TBC1D32: variants seen among roughly 807,000 people sequenced by gnomAD.
TBC1D32 encodes protein broad-minded.
In TBC1D32, 151 loss-of-function variants were observed where a neutral mutation model predicts 170.3. That is an observed-to-expected ratio of 0.89 (90% CI 0.78 to 1.01). The LOEUF (loss-of-function observed/expected upper bound fraction) is 1.01. Ranked by LOEUF, TBC1D32 falls within the 50% of genes least tolerant of loss-of-function variation. TBC1D32 has a pLI of 0.00. For missense variants in TBC1D32, 1,464 were observed against 1,457.1 expected, an observed-to-expected ratio of 1.00 and a Z score of -0.08; for synonymous variants, 498 against 488.0, an observed-to-expected ratio of 1.02 and a Z score of -0.27.
At chr6:121,190,403 C>G (rs143492566) in intron 22 of TBC1D32, among the ~76,000 whole-genome samples, 2 of 147,644 alleles carry the variant, frequency 1.4e-5, no homozygotes, top group African/African-American at 5.0e-5. Context: ...CCCTTCCCCC[C>G]ACACACATCC....
intron 21 of TBC1D32, among the ~76,000 whole-genome samples, chr6:121,214,538 C>T (rs1793569460): frequency 6.6e-6 from 1 of 152,160 alleles, no homozygotes; most frequent in Non-Finnish European, 1.5e-5. Flanking sequence ...CCCTGTGAGG[C>T]TGCACCTAGA....
At chr6:121,135,882 T>C (rs557579677) in intron 24 of TBC1D32, among the ~76,000 whole-genome samples, 2 of 152,060 alleles carry the variant, frequency 1.3e-5, no homozygotes, top group Non-Finnish European at 2.9e-5. Context: ...CAATTATACA[T>C]CCACCCTAAC....
chr6:121,144,394 G>A (rs929070290), intron 24 of TBC1D32, among the ~76,000 whole-genome samples: 1 of 152,126 alleles, frequency 6.6e-6, no homozygotes, highest in African/African-American at 2.4e-5. Context: ...CATTGCAGCA[G>A]GTAAGAAATG....
chr6:121,302,252 T>A (rs547918152), intron 9 of TBC1D32, among the ~76,000 whole-genome samples: 8 of 152,266 alleles, frequency 5.3e-5, no homozygotes, highest in African/African-American at 1.7e-4. Flanking sequence ...TATGTATAGA[T>A]GCTCTGGAGC....
In TBC1D32 at chr6:121,308,653, T is replaced by C. The variant is rs528523383; in HGVS notation, c.565-552A>G. Among the ~76,000 whole-genome samples, 4 of 151,454 alleles carry C rather than the reference T, an allele frequency of 2.6e-5. No homozygotes were observed. In the South Asian group the frequency reaches 8.3e-4, roughly 32 times the overall value. ...AGTCTTTCAGCAGTGGGATGCAAAA[T>C]TGTATTTCTGTATTTTCACAGAAAG... On this transcript the variant is annotated intron_variant, in intron 4 of 31. Coordinates refer to ENST00000398212, the MANE Select transcript of TBC1D32 (RefSeq NM_152730.6).
chr6:121,162,753 C>G lies in TBC1D32; in HGVS notation c.2571-1697G>C, dbSNP rs1457471178. Among the ~76,000 whole-genome samples, 7 of 149,014 alleles carry G rather than the reference C, an allele frequency of 4.7e-5. No homozygotes were observed. The Admixed American group carries it at 4.7e-4, about 10-fold the overall frequency. Reference sequence around the variant, plus strand: ...GCCGAATAGGAACAGCTCCAGTCTACAGCTCCCAGCGTGAGCGACGCAGAA... The same window carrying G: ...GCCGAATAGGAACAGCTCCAGTCTAGAGCTCCCAGCGTGAGCGACGCAGAA... On this transcript the variant is annotated intron_variant, in intron 22 of 31. Transcript: ENST00000398212.
chr6:121,189,856 C>A (rs974719661), intron 22 of TBC1D32, among the ~76,000 whole-genome samples: 1 of 151,966 alleles, frequency 6.6e-6, no homozygotes, highest in Non-Finnish European at 1.5e-5. Context: ...AGAACATATA[C>A]CCTAAGTAAG....
intron 24 of TBC1D32, among the ~76,000 whole-genome samples, chr6:121,155,702 G>T (rs765200270): frequency 1.6e-4 from 24 of 152,086 alleles, no homozygotes; most frequent in Admixed American, 6.6e-5. Flanking sequence ...CCTATTGAGG[G>T]TTTTTATCAT....
In TBC1D32 at chr6:121,104,145, A is replaced by G. The variant is rs186888129; in HGVS notation, c.3465+1878T>C. On this transcript the variant is annotated intron_variant, in intron 30 of 31. Transcript: ENST00000398212. Reference sequence around the variant, plus strand: ...TTCTTCAAAATAAATATGAAAGCTCATATCATAATATCAAGAAAAACTACT... The same window carrying G: ...TTCTTCAAAATAAATATGAAAGCTCGTATCATAATATCAAGAAAAACTACT... Among the ~76,000 whole-genome samples the G allele has an allele frequency of 1.3e-4, 20 of 151,950 alleles. No individual in the cohort carries two copies. In the East Asian group the frequency reaches 3.1e-3, roughly 23 times the overall value.
chr6:121,285,134 G>T (rs913288621), intron 12 of TBC1D32, among the ~76,000 whole-genome samples: 4 of 152,090 alleles, frequency 2.6e-5, no homozygotes, highest in African/African-American at 9.7e-5. Context: ...AGATAAGAAT[G>T]GATTTCACAT....
At chr6:121,212,599 C>T (rs967232769) in intron 21 of TBC1D32, among the ~76,000 whole-genome samples, 8 of 151,922 alleles carry the variant, frequency 5.3e-5, no homozygotes, top group Non-Finnish European at 1.2e-4. Context: ...GGATTACAGG[C>T]ATGTGCCACC....
At chr6:121,214,289 G>A (rs1368281713) in intron 21 of TBC1D32, among the ~76,000 whole-genome samples, 1 of 152,138 alleles carries the variant, frequency 6.6e-6, no homozygotes, top group Non-Finnish European at 1.5e-5. Flanking sequence ...TGTGGCCTGT[G>A]GCACCTTTGC....
At chr6:121,146,787 A>G (rs1480840126) in intron 24 of TBC1D32, among the ~76,000 whole-genome samples, 1 of 152,180 alleles carries the variant, frequency 6.6e-6, no homozygotes, top group African/African-American at 2.4e-5. Flanking sequence ...TTTCTACTCA[A>G]AAGTGTTCAT....
intron 2 of TBC1D32, 74 bp from the exon 3 acceptor site, chr6:121,317,746 A>AT (rs1197881158): frequency 3.2e-5 from 36 of 1,108,420 alleles, no homozygotes; most frequent in South Asian, 5.9e-5. Flanking sequence ...AAATTATCTA[A>AT]TTTTTTTTCT....
At chr6:121,199,809 T>C (rs892007298) in intron 22 of TBC1D32, among the ~76,000 whole-genome samples, 1 of 151,458 alleles carries the variant, frequency 6.6e-6, no homozygotes, top group Non-Finnish European at 1.5e-5. Context: ...TCACTGGAAA[T>C]AAATAATTTG....
chr6:121,112,935 T>A, intron 28 of TBC1D32, 127 bp downstream of exon 28: 1 of 708,440 alleles, frequency 1.4e-6, no homozygotes, highest in Non-Finnish European at 2.3e-6. Context: ...TAAGAATATA[T>A]CATAACAAAT....
At chr6:121,105,770 T>C (rs1290298839) in intron 30 of TBC1D32, among the ~76,000 whole-genome samples, 2 of 151,968 alleles carry the variant, frequency 1.3e-5, no homozygotes, top group Admixed American at 6.6e-5. Flanking sequence ...AGTATTACCA[T>C]CTCCATTAAA....
In TBC1D32 at chr6:121,281,705, T is replaced by A; in HGVS notation, c.1466-19A>T. ...TAATTCTCTAATAAACAATAAATAT[T>A]TTTTAATACCAAAACATTAAATACT... On this transcript the variant is annotated intron_variant, in intron 13 of 31. Coordinates refer to ENST00000398212, the MANE Select transcript of TBC1D32 (RefSeq NM_152730.6). 6.5e-7 allele frequency: 1 copy of A among 1,547,774 alleles called. No homozygotes were observed. The highest frequency in any genetic ancestry group is 8.7e-7 in the Non-Finnish European group (1 of 1,144,078).
In TBC1D32 at chr6:121,303,671, C is replaced by T. The variant is rs374800522; in HGVS notation, c.1026G>A (p.Pro342=). 3.4e-5 allele frequency: 54 copies of T among 1,596,854 alleles called. 2 individuals carry two copies. The Middle Eastern group carries it at 5.5e-3, about 163-fold the overall frequency. ...TATCAACTAATGCAAAAAAGTAGAT[C>T]GGATCCAAAATCTTTTGTGAGACAA... The part of the protein sequence containing the change: ...SHVVSQKILD[P]IYFFALVDTK... The change falls in exon 9 of 32, where the codon CCG becomes CCA. Residue 342 remains proline, a synonymous_variant. Coordinates refer to ENST00000398212, the MANE Select transcript of TBC1D32 (RefSeq NM_152730.6).
Sources: allele counts gnomAD v4.1 joint callset (sites outside exome capture counted in the v4.1 genomes callset), GRCh38; gene constraint gnomAD v4.1.1; transcripts MANE v1.5; gene names NCBI Gene and HGNC (gene_info 2026-07-23, HGNC 2026-07-21).